Variants in PLCB1 observed in about 807,000 individuals in gnomAD.
The protein encoded by PLCB1 is 1-phosphatidylinositol 4,5-bisphosphate phosphodiesterase beta-1.
In PLCB1, 46 loss-of-function variants were observed where a neutral mutation model predicts 161.8. The ratio of observed to expected loss-of-function variants is 0.28; its 90% confidence interval spans 0.22 to 0.36. The LOEUF (loss-of-function observed/expected upper bound fraction) is 0.36, where lower values mean the gene tolerates loss of function less well. Ranked by LOEUF, PLCB1 falls within the 10% of genes least tolerant of loss-of-function variation. The pLI, the probability that PLCB1 is intolerant of heterozygous loss-of-function variation, is 1.00. For synonymous variants in PLCB1, 517 were observed against 503.7 expected, an observed-to-expected ratio of 1.03 and a Z score of -0.35; for missense variants, 1,016 against 1,472.5, an observed-to-expected ratio of 0.69 and a Z score of 5.07.
rs572829782 is a variant in PLCB1, at chr20:8,858,820, A to T, written c.3424-22802A>T. Among the ~76,000 whole-genome samples, 3 of 152,050 alleles carry T rather than the reference A, an allele frequency of 2.0e-5. No individual in the cohort carries two copies. In the East Asian group the frequency reaches 5.8e-4, roughly 29 times the overall value. On this transcript the variant is annotated intron_variant, in intron 31 of 31. Transcript: ENST00000338037. ...GGCTCTTAAAATAGGATCTTGTTTTAAAAAGGGGTTCAGTAGACAAAGAAG... is the reference window on the plus strand; with the variant it reads ...GGCTCTTAAAATAGGATCTTGTTTTTAAAAGGGGTTCAGTAGACAAAGAAG...
intron 1 of PLCB1, among the ~76,000 whole-genome samples, chr20:8,145,205 C>G (rs1049306211): frequency 6.6e-6 from 1 of 152,254 alleles, no homozygotes; most frequent in East Asian, 1.9e-4. Flanking sequence ...CCAGGCCTCT[C>G]GTCTTGGCTG....
chr20:8,854,990 C>T (rs1987022107), intron 31 of PLCB1, among the ~76,000 whole-genome samples: 1 of 152,206 alleles, frequency 6.6e-6, no homozygotes, highest in Non-Finnish European at 1.5e-5. Context: ...GTTTAAATAA[C>T]ATAACGGAGA....
At chr20:8,184,059 A>G (rs1443635539) in intron 2 of PLCB1, among the ~76,000 whole-genome samples, 1 of 152,152 alleles carries the variant, frequency 6.6e-6, no homozygotes, top group Non-Finnish European at 1.5e-5. Flanking sequence ...ATAATGAATG[A>G]ATGAAATTAA....
chr20:8,384,467 A>T (rs1467686409), intron 3 of PLCB1, among the ~76,000 whole-genome samples: 1 of 152,030 alleles, frequency 6.6e-6, no homozygotes, highest in Non-Finnish European at 1.5e-5. Flanking sequence ...GGATTAGAAC[A>T]TGCTCCTTTA....
In PLCB1 at chr20:8,733,320, G is replaced by A. The variant is rs1184814410; in HGVS notation, c.1971G>A (p.Arg657=). The part of the protein sequence containing the change: ...GYRLKPEFMR[R]PDKHFDPFTE... Reference sequence around the variant, plus strand: ...GATTGAAGCCAGAGTTCATGAGGAGGCCTGACAAGCATTTTGATCCATTTA... The same window carrying A: ...GATTGAAGCCAGAGTTCATGAGGAGACCTGACAAGCATTTTGATCCATTTA... The change falls in exon 19 of 32, where the codon AGG becomes AGA. Residue 657 remains arginine, a synonymous_variant. Coordinates refer to ENST00000338037, the MANE Select transcript of PLCB1 (RefSeq NM_015192.4). 6.2e-7 allele frequency: 1 copy of A among 1,613,902 alleles called. No individual in the cohort carries two copies. Among genetic ancestry groups the A allele is most frequent in the Admixed American group, 1.7e-5 (1 of 60,012 alleles).
intron 31 of PLCB1, among the ~76,000 whole-genome samples, chr20:8,877,217 G>A (rs78837231): frequency 6.6e-6 from 1 of 152,276 alleles, no homozygotes; most frequent in East Asian, 1.9e-4. Flanking sequence ...GGAAGCCCTG[G>A]TGATCTGTGG....
chr20:8,325,902 A>C (rs1004366200), intron 2 of PLCB1, among the ~76,000 whole-genome samples: 3 of 152,216 alleles, frequency 2.0e-5, no homozygotes, highest in Non-Finnish European at 2.9e-5. Flanking sequence ...CCAGAGGACA[A>C]CACCTTCATT....
chr20:8,564,350 A>T (rs1271638230), intron 3 of PLCB1, among the ~76,000 whole-genome samples: 1 of 152,218 alleles, frequency 6.6e-6, no homozygotes, highest in Non-Finnish European at 1.5e-5. Flanking sequence ...TGGATTAAAG[A>T]CTTAAATGTA....
At chr20:8,376,435 T>C (rs867751400) in intron 3 of PLCB1, among the ~76,000 whole-genome samples, 1 of 152,200 alleles carries the variant, frequency 6.6e-6, no homozygotes, top group Non-Finnish European at 1.5e-5. Flanking sequence ...ATAAACATGA[T>C]AGCTTTTTTA....
intron 26 of PLCB1, among the ~76,000 whole-genome samples, chr20:8,772,161 G>T (rs957418034): frequency 4.0e-5 from 6 of 151,132 alleles, no homozygotes; most frequent in Non-Finnish European, 7.4e-5. Flanking sequence ...AATTACAGGC[G>T]TGAGCCACCA....
At chr20:8,164,074 G>A (rs369151423) in intron 2 of PLCB1, among the ~76,000 whole-genome samples, 1 of 152,160 alleles carries the variant, frequency 6.6e-6, no homozygotes, top group South Asian at 2.1e-4. Flanking sequence ...GTGATGTATG[G>A]ATCTAAAGTG....
intron 31 of PLCB1, among the ~76,000 whole-genome samples, chr20:8,870,478 C>CATGGAAT (rs1568631631): frequency 6.6e-6 from 1 of 152,030 alleles, no homozygotes. Context: ...TAGGAGTTTT[C>CATGGAAT]CTCTGTGGCG....
intron 3 of PLCB1, among the ~76,000 whole-genome samples, chr20:8,520,349 G>A (rs568294078): frequency 6.6e-6 from 1 of 152,014 alleles, no homozygotes; most frequent in Admixed American, 6.6e-5. Flanking sequence ...TAGGTGGTGG[G>A]ACAAAGACTA....
At chr20:8,151,571 G>A (rs1031350116) in intron 2 of PLCB1, among the ~76,000 whole-genome samples, 2 of 152,126 alleles carry the variant, frequency 1.3e-5, no homozygotes, top group African/African-American at 4.8e-5. Flanking sequence ...CCTACTTAAC[G>A]CTCACATTTA....
rs1985329426 is a variant in PLCB1, at chr20:8,330,580, T to C, written c.178-40802T>C. Among the ~76,000 whole-genome samples the C allele has an allele frequency of 1.3e-5, 2 of 152,220 alleles. 1 individual carries two copies. The highest frequency in any genetic ancestry group is 4.1e-4 in the South Asian group (2 of 4,836). The stretch of plus-strand genomic sequence containing the variant: ...AACCACTCTCAGTTCTTAATTCTGA[T>C]GAATGCATGTCAGGCTATGGAGCTT... On this transcript the variant is annotated intron_variant, in intron 2 of 31. Coordinates refer to ENST00000338037, the MANE Select transcript of PLCB1 (RefSeq NM_015192.4).
chr20:8,884,804 A>C lies in PLCB1; in HGVS notation c.*2955A>C, dbSNP rs1331477006. On this transcript the variant is annotated 3_prime_UTR_variant, in exon 32 of 32. Transcript: ENST00000338037. ...ATGCATAATTCACATTTTTGTAATA[A>C]TTCTATGCAATTTTGTGGCATGATG... is the stretch of plus-strand genomic sequence containing the variant. 1 of 152,664 alleles carries C rather than the reference A, an allele frequency of 6.6e-6. No individual in the cohort carries two copies. Among genetic ancestry groups the C allele is most frequent in the African/African-American group, 2.4e-5 (1 of 41,466 alleles). 9.5% of individuals were successfully genotyped at this position (152,664 alleles called of 1,614,324 possible).
chr20:8,646,745 C>T (rs1488151507), intron 5 of PLCB1, among the ~76,000 whole-genome samples: 3 of 152,098 alleles, frequency 2.0e-5, no homozygotes, highest in Non-Finnish European at 4.4e-5. Flanking sequence ...AAACAAATTG[C>T]CAGATCACTC....
At chr20:8,435,932 G>A (rs1980280610) in intron 3 of PLCB1, among the ~76,000 whole-genome samples, 1 of 152,166 alleles carries the variant, frequency 6.6e-6, no homozygotes. Context: ...GCATCTTTAA[G>A]GATAGATTGT....
intron 23 of PLCB1, among the ~76,000 whole-genome samples, chr20:8,747,902 TG>T (rs779242295): frequency 6.6e-6 from 1 of 152,182 alleles, no homozygotes; most frequent in Non-Finnish European, 1.5e-5. Flanking sequence ...TCCAAGGTAG[TG>T]CTTTTATAAG....
Sources: allele counts gnomAD v4.1 joint callset (sites outside exome capture counted in the v4.1 genomes callset), GRCh38; gene constraint gnomAD v4.1.1; transcripts MANE v1.5; gene names NCBI Gene and HGNC (gene_info 2026-07-23, HGNC 2026-07-21).